The following KCNQ2 variants were observed in gnomAD, a reference collection of about 807,000 sequenced individuals.
KCNQ2 encodes the protein potassium voltage-gated channel subfamily Q member 2.
A neutral mutation model predicts 84.8 loss-of-function variants in KCNQ2; 14 were observed. The ratio of observed to expected loss-of-function variants is 0.17; its 90% CI spans 0.11 to 0.26. The LOEUF is 0.26. Among genes scored for constraint, KCNQ2 ranks in the 10% least tolerant of loss-of-function variants. The probability of loss-of-function intolerance (pLI) is 1.00; values close to 1 mark genes in which losing one functional copy is unlikely to be tolerated. For synonymous variants in KCNQ2, 599 were observed against 554.1 expected, an observed-to-expected ratio of 1.08 and a Z score of -1.14; for missense variants, 788 against 1,254.0, an observed-to-expected ratio of 0.63 and a Z score of 5.61.
rs1568968906 is a variant in KCNQ2, at chr20:63,460,239, T to C, written c.296+11929A>G. On this transcript the variant is annotated intron_variant, in intron 1 of 16. Coordinates refer to ENST00000359125, the MANE Select transcript of KCNQ2 (RefSeq NM_172107.4). This position sits in a 1 kb window ranked among gnomAD's most constrained non-coding sequence, Gnocchi z 5.4. ...CCCTCCCTGGCCTTACCCAAGCCCTTAGCAGCTTTGGGGAGCAAAGGCTTC... is the reference window on the plus strand; with the variant it reads ...CCCTCCCTGGCCTTACCCAAGCCCTCAGCAGCTTTGGGGAGCAAAGGCTTC... 1.3e-5 allele frequency among the ~76,000 whole-genome samples: 2 copies of C among 152,144 alleles called. No individual in the cohort carries two copies. Among genetic ancestry groups the C allele is most frequent in the Non-Finnish European group, 2.9e-5 (2 of 68,004 alleles).
Position 63,472,482 on chromosome 20 carries a change from C to A in KCNQ2, c.-19G>T. 6.7e-7 allele frequency: 1 copy of A among 1,488,686 alleles called. No homozygotes were observed. The highest frequency in any genetic ancestry group is 2.4e-4 in the Middle Eastern group (1 of 4,246). The allele number at this position is 1,488,686 out of a possible 1,614,324, so 92.2% of individuals were successfully genotyped here. A position where few individuals can be genotyped will look rare whatever the true frequency, so the allele number is the denominator to read the frequency against. On this transcript the variant is annotated 5_prime_UTR_variant, in exon 1 of 17. Transcript: ENST00000359125. ...GCACCATGGTGCCTGGCGGGAGGCGCCCCGGGTCGGGCTCAGGCTCAGCGG... is the reference window on the plus strand; with the variant it reads ...GCACCATGGTGCCTGGCGGGAGGCGACCCGGGTCGGGCTCAGGCTCAGCGG...
intron 5 of KCNQ2, 132 bp downstream of exon 5, chr20:63,442,274 A>C (rs1690881543): frequency 1.8e-5 from 24 of 1,311,020 alleles, no homozygotes; most frequent in Non-Finnish European, 2.6e-5. Flanking sequence ...ACAAGCCATC[A>C]TGACCACGGG....
At position 63,425,485 on chromosome 20, in the gene KCNQ2, C is replaced by T. The variant is rs1383152026; in HGVS notation, c.1218-1279G>A. On this transcript the variant is annotated intron_variant, in intron 10 of 16. Transcript: ENST00000359125. This position sits in a 1 kb window ranked among gnomAD's most constrained non-coding sequence, Gnocchi z 5.5. ...CTGTAATCCCAGCACTTTGGGAGGC[C>T]GAGGCGGGTGGATCACCTGAGGTCA... 3.9e-5 allele frequency among the ~76,000 whole-genome samples: 6 copies of T among 152,034 alleles called. No homozygotes were observed. Among genetic ancestry groups the T allele is most frequent in the Non-Finnish European group, 7.4e-5 (5 of 68,008 alleles).
chr20:63,443,569 CACCACCATCACT>C (rs2081329859), intron 4 of KCNQ2: 2 of 150,898 alleles, frequency 1.3e-5, no homozygotes, highest in South Asian at 2.1e-4. Flanking sequence ...TCACCACCAC[CACCACCATCACT>C]ACCACCATCA....
chr20:63,443,313 T>C (rs1473067304), intron 4 of KCNQ2, among the ~76,000 whole-genome samples: 38 of 28,342 alleles, frequency 1.3e-3, no homozygotes, highest in East Asian at 2.8e-3. Flanking sequence ...ATCACCATCA[T>C]CACCACCACC....
Position 63,407,124 on chromosome 20 carries a change from C to A in KCNQ2, c.2139G>T (p.Pro713=). The A allele has an allele frequency of 3.9e-6, 6 of 1,553,164 alleles. No homozygotes were observed. The highest frequency in any genetic ancestry group is 5.2e-6 in the Non-Finnish European group (6 of 1,152,710). ...APPAAPPVQC[P]PSTSWQPQSH... ...TCTGTGGCTGCCAGGAGGTGGAGGG[C>A]GGACACTGGACAGGGGGCGCGGCCG... Residue 713 remains proline, a synonymous_variant, in exon 17 of 17, where the codon CCG becomes CCT. Transcript: ENST00000359125. The surrounding 1 kb of genome is among the most constrained non-coding windows in gnomAD (Gnocchi z 7.2).
rs866315162 is a variant in KCNQ2, at chr20:63,407,271, C to G, written c.1992G>C (p.Pro664=). ...ETEAYFGAKE[P]EPAPPYHSPE... Reference sequence around the variant, plus strand: ...GGCTGTGGTACGGCGGCGCCGGCTCCGGCTCTTTGGCCCCAAAGTAGGCCT... The same window carrying G: ...GGCTGTGGTACGGCGGCGCCGGCTCGGGCTCTTTGGCCCCAAAGTAGGCCT... The change falls in exon 17 of 17, where the codon CCG becomes CCC. Residue 664 remains proline, a synonymous_variant. Coordinates refer to ENST00000359125, the MANE Select transcript of KCNQ2 (RefSeq NM_172107.4). This position sits in a 1 kb window ranked among gnomAD's most constrained non-coding sequence, Gnocchi z 7.2. 1 of 1,596,452 alleles carries G rather than the reference C, an allele frequency of 6.3e-7. No homozygotes were observed. Among genetic ancestry groups the G allele is most frequent in the Non-Finnish European group, 8.5e-7 (1 of 1,177,266 alleles).
intron 8 of KCNQ2, among the ~76,000 whole-genome samples, chr20:63,433,164 C>A (rs1352285388): frequency 6.6e-6 from 1 of 152,206 alleles, no homozygotes; most frequent in Non-Finnish European, 1.5e-5. Context: ...AACAAAAAAA[C>A]ACGGGAAAGC....
At chr20:63,455,145 GTGGGAGGACGC>G (rs948317284) in intron 1 of KCNQ2, among the ~76,000 whole-genome samples, 3 of 152,160 alleles carry the variant, frequency 2.0e-5, no homozygotes, top group Admixed American at 6.5e-5. Flanking sequence ...TGGGAGGACG[GTGGGAGGACGC>G]TGGGAGGACG....
Position 63,404,026 on chromosome 20 carries a change from A to G in KCNQ2, c.*2618T>C. On this transcript the variant is annotated 3_prime_UTR_variant, in exon 17 of 17. Coordinates refer to ENST00000359125, the MANE Select transcript of KCNQ2 (RefSeq NM_172107.4). Reference sequence around the variant, plus strand: ...CAAAACAGGGCCCCGCAACCATCCCAGGACGTGCACCTTCCCTCTTCCCAG... The same window carrying G: ...CAAAACAGGGCCCCGCAACCATCCCGGGACGTGCACCTTCCCTCTTCCCAG... The G allele has an allele frequency of 6.5e-6, 1 of 152,718 alleles. No individual in the cohort carries two copies. Among genetic ancestry groups the G allele is most frequent in the Non-Finnish European group, 1.5e-5 (1 of 68,342 alleles). The allele number at this position is 152,718 out of a possible 1,614,324, so 9.5% of individuals were successfully genotyped here.
In KCNQ2 at chr20:63,414,554, C is replaced by A. The variant is rs141388396; in HGVS notation, c.1525+349G>T. 3.3e-5 allele frequency among the ~76,000 whole-genome samples: 5 copies of A among 152,100 alleles called. No individual in the cohort carries two copies. Among genetic ancestry groups the A allele is most frequent in the African/African-American group, 9.7e-5 (4 of 41,422 alleles). On this transcript the variant is annotated intron_variant, in intron 13 of 16. Coordinates refer to ENST00000359125, the MANE Select transcript of KCNQ2 (RefSeq NM_172107.4). The surrounding 1 kb of genome is among the most constrained non-coding windows in gnomAD (Gnocchi z 6.6). ...CAGACCCAACGGCCCCACGTGGGAG[C>A]CGCAGACACGCACGGCCCAAGAGCA...
At chr20:63,423,821 G>C in intron 11 of KCNQ2, 1 of 361,576 alleles carries the variant, frequency 2.8e-6, no homozygotes, top group Non-Finnish European at 5.1e-6. Context: ...TGTGAGCTCG[G>C]GCTATGTGCC....
At chr20:63,429,398 G>A (rs192008254) in intron 9 of KCNQ2, among the ~76,000 whole-genome samples, 1 of 152,126 alleles carries the variant, frequency 6.6e-6, no homozygotes, top group Admixed American at 6.5e-5. Context: ...CCCCACTGGG[G>A]CCACGTCCTG....
Position 63,466,503 on chromosome 20 carries a change from G to A in KCNQ2, c.296+5665C>T, listed in dbSNP as rs1437973743. Reference sequence around the variant, plus strand: ...GGACCGGCCAGCCATCCTCCCTCCTGGCCTCCACGCTCCGTCCGGGGTGAG... The same window carrying A: ...GGACCGGCCAGCCATCCTCCCTCCTAGCCTCCACGCTCCGTCCGGGGTGAG... On this transcript the variant is annotated intron_variant, in intron 1 of 16. Transcript: ENST00000359125. The A allele has an allele frequency of 2.7e-4, 41 of 152,236 alleles. 1 individual carries two copies. Among genetic ancestry groups the A allele is most frequent in the Admixed American group, 2.7e-3 (41 of 15,270 alleles). 9.4% of individuals were successfully genotyped at this position (152,236 alleles called of 1,614,324 possible).
In KCNQ2 at chr20:63,404,202, C is replaced by T. The variant is rs552845012; in HGVS notation, c.*2442G>A. On this transcript the variant is annotated 3_prime_UTR_variant, in exon 17 of 17. Transcript: ENST00000359125. ...GAGCCCCAACCTGTGCCCAGGTGCTCATGCCTCAGCGGCCCCATGGGAGGA... is the reference window on the plus strand; with the variant it reads ...GAGCCCCAACCTGTGCCCAGGTGCTTATGCCTCAGCGGCCCCATGGGAGGA... 1 of 152,338 alleles carries T rather than the reference C, an allele frequency of 6.6e-6. No individual in the cohort carries two copies. The highest frequency in any genetic ancestry group is 1.5e-5 in the Non-Finnish European group (1 of 68,154). 9.4% of individuals were successfully genotyped at this position (152,338 alleles called of 1,614,324 possible). A position where few individuals can be genotyped will look rare whatever the true frequency, so the allele number is the denominator to read the frequency against.
At chr20:63,439,345 C>T (rs2081091405) in intron 6 of KCNQ2, among the ~76,000 whole-genome samples, 1 of 152,252 alleles carries the variant, frequency 6.6e-6, no homozygotes, top group Admixed American at 6.5e-5. Context: ...CAGTGACTAA[C>T]AGAGCCCCCT....
chr20:63,453,415 G>C (rs140876150), intron 1 of KCNQ2, among the ~76,000 whole-genome samples: 1 of 152,234 alleles, frequency 6.6e-6, no homozygotes, highest in Non-Finnish European at 1.5e-5. Context: ...TCCTGTGCTC[G>C]TTGGCCAAGT....
At chr20:63,426,154 C>T (rs530031768) in intron 10 of KCNQ2, among the ~76,000 whole-genome samples, 34 of 152,376 alleles carry the variant, frequency 2.2e-4, no homozygotes, top group African/African-American at 7.9e-4. Context: ...CTCTTACCTT[C>T]GTCCAACGCT....
chr20:63,450,743 GC>G (rs1462303664), intron 1 of KCNQ2, among the ~76,000 whole-genome samples: 1 of 151,818 alleles, frequency 6.6e-6, no homozygotes, highest in Non-Finnish European at 1.5e-5. Context: ...TGTGCAGAGA[GC>G]CCTTGGCATA....
Sources: allele counts gnomAD v4.1 joint callset (sites outside exome capture counted in the v4.1 genomes callset), GRCh38; gene constraint gnomAD v4.1.1; non-coding constraint Gnocchi (gnomAD v3.1); transcripts MANE v1.5; gene names NCBI Gene and HGNC (gene_info 2026-07-23, HGNC 2026-07-21).